The following MAPK8 variants were observed in gnomAD, a reference collection of about 807,000 sequenced individuals.
MAPK8 encodes JUN N-terminal kinase.
In MAPK8, 13 loss-of-function variants were observed where a neutral mutation model predicts 52.9. The observed-to-expected ratio is 0.25, with a 90% CI of 0.16 to 0.39. MAPK8 has a LOEUF of 0.39. Among genes scored for constraint, MAPK8 ranks in the 10% least tolerant of loss-of-function variants. MAPK8 has a pLI of 1.00. For missense variants in MAPK8, 300 were observed against 519.2 expected (o/e 0.58, Z 4.10); for synonymous variants, 191 against 169.8 (o/e 1.12, Z -0.97).
chr10:48,388,756 A>G (rs2132822581), intron 1 of MAPK8, among the ~76,000 whole-genome samples: 1 of 152,278 alleles, frequency 6.6e-6, no homozygotes, highest in South Asian at 2.1e-4. Context: ...TAGTGTCAGC[A>G]GTGACTGAAA....
At chr10:48,431,954 A>G (rs181725715) in intron 11 of MAPK8, among the ~76,000 whole-genome samples, 3 of 152,300 alleles carry the variant, frequency 2.0e-5, no homozygotes, top group African/African-American at 7.2e-5. Flanking sequence ...TATTGCACAC[A>G]TGTTATGGAT....
chr10:48,351,720 G>A (rs2132440958), intron 1 of MAPK8, among the ~76,000 whole-genome samples: 1 of 152,096 alleles, frequency 6.6e-6, no homozygotes, highest in Non-Finnish European at 1.5e-5. Flanking sequence ...AAAAAAAGAA[G>A]ACACAAATCA....
chr10:48,388,681 ATT>A (rs2041457219), intron 1 of MAPK8, among the ~76,000 whole-genome samples: 1 of 152,104 alleles, frequency 6.6e-6, no homozygotes, highest in Non-Finnish European at 1.5e-5. Flanking sequence ...TTACAAAATA[ATT>A]TCTCTTTAAT....
chr10:48,424,081 C>T lies in MAPK8; in HGVS notation c.617-7C>T. 1 of 1,609,556 alleles carries T rather than the reference C, an allele frequency of 6.2e-7. No homozygotes were observed. The highest frequency in any genetic ancestry group is 8.5e-7 in the Non-Finnish European group (1 of 1,177,098). ...GCTTTTCCTTCTTTTGTGCTGCAAA[C>T]ATATAGTGGATTTATGGTCTGTGGG... On this transcript the variant is annotated splice_polypyrimidine_tract_variant and splice_region_variant and intron_variant, in intron 6 of 11. Coordinates refer to ENST00000374189, the MANE Select transcript of MAPK8 (RefSeq NM_001323329.2).
Position 48,431,054 on chromosome 10 carries a change from C to T in MAPK8, c.1061-139C>T, listed in dbSNP as rs76195384. 625 of 660,396 alleles carry T rather than the reference C, an allele frequency of 9.5e-4. 4 individuals are homozygous for T. The East Asian group carries it at 0.013, about 13-fold the overall frequency. 40.9% of individuals were successfully genotyped at this position (660,396 alleles called of 1,614,324 possible). A position where few individuals can be genotyped will look rare whatever the true frequency, so the allele number is the denominator to read the frequency against. On this transcript the variant is annotated intron_variant, in intron 10 of 11. Transcript: ENST00000374189. ...TAATTAACATCCTTGAATCTTAGGCCGACATTTAACTGACTGTCATTGTAA... is the reference window on the plus strand; with the variant it reads ...TAATTAACATCCTTGAATCTTAGGCTGACATTTAACTGACTGTCATTGTAA...
intron 1 of MAPK8, among the ~76,000 whole-genome samples, chr10:48,397,071 A>G (rs905131871): frequency 7.2e-5 from 11 of 152,356 alleles, no homozygotes; most frequent in African/African-American, 2.6e-4. Context: ...TAACACTGGT[A>G]TAAAACTATT....
At chr10:48,389,597 A>G (rs570924775) in intron 1 of MAPK8, among the ~76,000 whole-genome samples, 2 of 152,328 alleles carry the variant, frequency 1.3e-5, no homozygotes, top group South Asian at 4.1e-4. Context: ...CCTTGAGAGG[A>G]GAAAGACAGG....
chr10:48,320,097 G>A (rs1036654757), intron 1 of MAPK8, among the ~76,000 whole-genome samples: 2 of 150,660 alleles, frequency 1.3e-5, no homozygotes, highest in African/African-American at 4.9e-5. Context: ...TGTATTTTTG[G>A]TAGAGATAGG....
chr10:48,315,963 A>G (rs1168657989), intron 1 of MAPK8, among the ~76,000 whole-genome samples: 2 of 152,220 alleles, frequency 1.3e-5, no homozygotes, highest in Non-Finnish European at 2.9e-5. Flanking sequence ...GTTATGAATA[A>G]TAATGAAATT....
chr10:48,322,603 A>G (rs1487131249), intron 1 of MAPK8, among the ~76,000 whole-genome samples: 1 of 152,148 alleles, frequency 6.6e-6, no homozygotes, highest in Non-Finnish European at 1.5e-5. Flanking sequence ...GAGTTCTAGC[A>G]TAAAGCCAGG....
At chr10:48,374,034 T>A (rs1484035279) in intron 1 of MAPK8, among the ~76,000 whole-genome samples, 1 of 151,764 alleles carries the variant, frequency 6.6e-6, no homozygotes, top group Non-Finnish European at 1.5e-5. Context: ...AGAACAGAAA[T>A]CATAACAGTC....
chr10:48,427,828 G>A (rs182752293), intron 10 of MAPK8, among the ~76,000 whole-genome samples: 3 of 152,250 alleles, frequency 2.0e-5, no homozygotes, highest in South Asian at 2.1e-4. Flanking sequence ...TTTAGTTCAC[G>A]TATCTGCCTC....
At chr10:48,419,490 T>C (rs1318429917) in intron 5 of MAPK8, among the ~76,000 whole-genome samples, 5 of 152,146 alleles carry the variant, frequency 3.3e-5, no homozygotes, top group Non-Finnish European at 7.3e-5. Context: ...AGGTGAAAAA[T>C]TCTGAATTAT....
chr10:48,410,729 C>G (rs1376220501), intron 5 of MAPK8, among the ~76,000 whole-genome samples: 2 of 152,234 alleles, frequency 1.3e-5, no homozygotes, highest in Non-Finnish European at 1.5e-5. Flanking sequence ...AGTGACTGCA[C>G]TATTTTACAT....
At chr10:48,406,703 A>G (rs1436000704) in intron 3 of MAPK8, among the ~76,000 whole-genome samples, 2 of 152,218 alleles carry the variant, frequency 1.3e-5, no homozygotes, top group Non-Finnish European at 2.9e-5. Context: ...CATCCTCTGT[A>G]CAGATTGTCT....
chr10:48,397,382 C>T (rs2041941960), intron 1 of MAPK8, among the ~76,000 whole-genome samples: 1 of 151,962 alleles, frequency 6.6e-6, no homozygotes, highest in Non-Finnish European at 1.5e-5. Context: ...TCTCGAACTC[C>T]TGGGCTCAAG....
chr10:48,431,264 C>T lies in MAPK8; in HGVS notation c.1132C>T (p.Pro378Ser), dbSNP rs2133327919. The change falls in exon 11 of 12, where the codon CCT becomes TCT. Residue 378 changes from proline (P) to serine (S), a missense_variant. Pro to Ser is a moderately conservative substitution (Grantham distance 74). This residue lies in a region of MAPK8 where 119 missense variants were observed against 154.4 expected (regional missense o/e 0.77). Transcript: ENST00000374189. ...KNGVIRGQPS[P>S]LGAAVINGSQ... The stretch of plus-strand genomic sequence containing the variant: ...TGGAGTTATACGGGGGCAGCCCTCT[C>T]CTTTAGGTTGGTTACAATATAAGCT... 1.2e-6 allele frequency: 2 copies of T among 1,609,238 alleles called. No individual in the cohort carries two copies. Among genetic ancestry groups the T allele is most frequent in the East Asian group, 2.2e-5 (1 of 44,840 alleles).
rs143552521 is a variant in MAPK8 at position 48,355,741 on chromosome 10, G to A, written c.-49-45871G>A. Among the ~76,000 whole-genome samples the A allele has an allele frequency of 1.9e-4, 29 of 152,236 alleles. No individual in the cohort carries two copies. The East Asian group carries it at 4.8e-3, about 25-fold the overall frequency. ...AATGGCTAAGAATTTTCTGCATCTT[G>A]TGAACAACACTAAACTATACATTGA... On this transcript the variant is annotated intron_variant, in intron 1 of 11. Transcript: ENST00000374189.
intron 1 of MAPK8, among the ~76,000 whole-genome samples, chr10:48,394,053 T>G (rs2041765274): frequency 1.3e-5 from 2 of 151,922 alleles, no homozygotes; most frequent in South Asian, 4.1e-4. Context: ...AGCAATTTCC[T>G]TGAAAAACAC....
Sources: allele counts gnomAD v4.1 joint callset (sites outside exome capture counted in the v4.1 genomes callset), GRCh38; gene constraint gnomAD v4.1.1; regional missense constraint gnomAD v4.1.1; transcripts MANE v1.5; gene names NCBI Gene and HGNC (gene_info 2026-07-23, HGNC 2026-07-21).